Variants in DPP10 observed in about 807,000 individuals in gnomAD.
DPP10 encodes inactive dipeptidyl peptidase 10.
Under a neutral mutation model 120.9 loss-of-function variants are expected in DPP10, and 33 were observed. The observed-to-expected ratio is 0.27, with a 90% CI of 0.21 to 0.37. The LOEUF (loss-of-function observed/expected upper bound fraction) is 0.37. DPP10 is among the 10% of genes least tolerant of loss of function. DPP10 has a pLI of 1.00. For missense variants in DPP10, 816 were observed against 942.8 expected (o/e 0.87, Z 1.76); for synonymous variants, 337 against 326.1 (o/e 1.03, Z -0.36).
In DPP10 at chr2:114,632,503, G is replaced by GTTTTT. The variant is rs756591992; in HGVS notation, c.60+189687_60+189691dup. Among the ~76,000 whole-genome samples the GTTTTT allele has an allele frequency of 1.8e-3, 159 of 88,628 alleles. 19 individuals are homozygous for GTTTTT. Among genetic ancestry groups the GTTTTT allele is most frequent in the African/African-American group, 6.9e-3 (151 of 21,996 alleles). The allele number at this position is 88,628 out of a possible 152,430, so 58.1% of individuals were successfully genotyped here. A position where few individuals can be genotyped will look rare whatever the true frequency, so the allele number is the denominator to read the frequency against. On this transcript the variant is annotated intron_variant, in intron 1 of 25. Transcript: ENST00000410059. ...ATAACTGTGTAACTATGGACTTAGG[G>GTTTTT]TTTTTTTTTTTTTTTTTTTTTTTTT... is the stretch of plus-strand genomic sequence containing the variant.
chr2:115,766,286 A>ATGTGTGTGTGTGTGTGTGTG (rs34673352), intron 12 of DPP10, among the ~76,000 whole-genome samples: 26 of 70,258 alleles, frequency 3.7e-4, no homozygotes, highest in South Asian at 6.8e-4. Context: ...CATTATATAT[A>ATGTGTGTGTGTGTGTGTGTG]TGTGTGTGTG....
intron 5 of DPP10, among the ~76,000 whole-genome samples, chr2:115,628,246 G>C (rs1325778619): frequency 1.3e-5 from 2 of 152,072 alleles, no homozygotes; most frequent in Non-Finnish European, 2.9e-5. Flanking sequence ...TTGTGGTTCT[G>C]ATTTACGTTT....
chr2:115,018,539 G>T lies in DPP10; in HGVS notation c.61-290700G>T, dbSNP rs541150904. Among the ~76,000 whole-genome samples the T allele has an allele frequency of 1.6e-4, 25 of 152,210 alleles. No individual in the cohort carries two copies. The South Asian group carries it at 4.8e-3, about 29-fold the overall frequency. Reference sequence around the variant, plus strand: ...TACTATGCAGCTATAAAAAGAATGAGTGAAAAAATATGTCCTTTGCAGGGA... The same window carrying T: ...TACTATGCAGCTATAAAAAGAATGATTGAAAAAATATGTCCTTTGCAGGGA... On this transcript the variant is annotated intron_variant, in intron 1 of 25. Coordinates refer to ENST00000410059, the MANE Select transcript of DPP10 (RefSeq NM_020868.6).
chr2:115,512,057 C>T (rs1363565001), intron 4 of DPP10, among the ~76,000 whole-genome samples: 3 of 151,276 alleles, frequency 2.0e-5, no homozygotes, highest in African/African-American at 7.3e-5. Context: ...CCACTCCCTC[C>T]CCTCTTTCCT....
At chr2:115,501,000 G>A (rs1250663517) in intron 4 of DPP10, among the ~76,000 whole-genome samples, 1 of 151,924 alleles carries the variant, frequency 6.6e-6, no homozygotes, top group Non-Finnish European at 1.5e-5. Flanking sequence ...ATGATGAGAA[G>A]GTATGATGAT....
chr2:115,452,856 A>T (rs1359173356), intron 3 of DPP10, among the ~76,000 whole-genome samples: 1 of 151,900 alleles, frequency 6.6e-6, no homozygotes, highest in South Asian at 2.1e-4. Flanking sequence ...AGTAGGTCAG[A>T]TTCTCCATAT....
intron 1 of DPP10, among the ~76,000 whole-genome samples, chr2:115,005,573 G>A (rs962832348): frequency 1.3e-5 from 2 of 152,064 alleles, no homozygotes; most frequent in Non-Finnish European, 2.9e-5. Flanking sequence ...GAAGAATGCA[G>A]AAGCCTCAGG....
chr2:115,162,285 G>A, intron 1 of DPP10: 1 of 1,531,698 alleles, frequency 6.5e-7, no homozygotes, highest in East Asian at 2.5e-5. Flanking sequence ...AAAGGCTGAA[G>A]GTGCCCCGGG....
intron 1 of DPP10, among the ~76,000 whole-genome samples, chr2:115,211,388 A>AAT (rs2056502629): frequency 6.6e-6 from 1 of 152,148 alleles, no homozygotes; most frequent in Non-Finnish European, 1.5e-5. Context: ...TAGCATAGAT[A>AAT]ATACCTAGGA....
At chr2:114,873,572 C>A (rs1001717465) in intron 1 of DPP10, among the ~76,000 whole-genome samples, 1 of 152,138 alleles carries the variant, frequency 6.6e-6, no homozygotes, top group Non-Finnish European at 1.5e-5. Flanking sequence ...GAGCAGCTGT[C>A]ATGGCTGCGT....
intron 1 of DPP10, among the ~76,000 whole-genome samples, chr2:114,679,055 C>T (rs1415005610): frequency 1.3e-5 from 2 of 152,040 alleles, no homozygotes; most frequent in Non-Finnish European, 2.9e-5. Flanking sequence ...GGAGCAGTCG[C>T]CATTCCAATA....
At chr2:114,765,827 T>G (rs1680661084) in intron 1 of DPP10, among the ~76,000 whole-genome samples, 1 of 152,160 alleles carries the variant, frequency 6.6e-6, no homozygotes, top group South Asian at 2.1e-4. Flanking sequence ...TTGATTCAGA[T>G]CTACAAAGGC....
chr2:114,883,697 A>G lies in DPP10; in HGVS notation c.61-425542A>G, dbSNP rs149466640. 2.9e-3 allele frequency among the ~76,000 whole-genome samples: 443 copies of G among 152,334 alleles called. 5 individuals carry two copies. Among genetic ancestry groups the G allele is most frequent in the South Asian group, 6.6e-3 (32 of 4,816 alleles). On this transcript the variant is annotated intron_variant, in intron 1 of 25. Coordinates refer to ENST00000410059, the MANE Select transcript of DPP10 (RefSeq NM_020868.6). Reference sequence around the variant, plus strand: ...TTACTAATCCTGCTATTAAAAAGCAACTGAACACTGAATGATGCCTTAAGA... The same window carrying G: ...TTACTAATCCTGCTATTAAAAAGCAGCTGAACACTGAATGATGCCTTAAGA...
At chr2:114,536,156 A>G (rs984178796) in intron 1 of DPP10, among the ~76,000 whole-genome samples, 8 of 152,072 alleles carry the variant, frequency 5.3e-5, no homozygotes, top group African/African-American at 1.9e-4. Context: ...CTGAGCTTCC[A>G]TGCCCTCTTG....
chr2:114,468,190 T>G (rs191918450), intron 1 of DPP10, among the ~76,000 whole-genome samples: 1 of 152,216 alleles, frequency 6.6e-6, no homozygotes, highest in Non-Finnish European at 1.5e-5. Context: ...GAGGTTCAGT[T>G]ACCTTTCTAA....
chr2:115,403,412 T>G (rs1203434000), intron 3 of DPP10, among the ~76,000 whole-genome samples: 4 of 85,436 alleles, frequency 4.7e-5, no homozygotes, highest in Non-Finnish European at 1.0e-4. Context: ...TTTTTTTTTT[T>G]TTTTTGATAC....
chr2:114,504,317 T>C (rs1485582492), intron 1 of DPP10, among the ~76,000 whole-genome samples: 2 of 152,220 alleles, frequency 1.3e-5, no homozygotes, highest in African/African-American at 4.8e-5. Flanking sequence ...GAGCAATTGC[T>C]TCTTGAAGTG....
chr2:114,987,203 G>T (rs1035613199), intron 1 of DPP10, among the ~76,000 whole-genome samples: 8 of 152,056 alleles, frequency 5.3e-5, no homozygotes, highest in Admixed American at 2.6e-4. Flanking sequence ...CAGTAAAGTG[G>T]CTAGAAAAGT....
chr2:114,840,409 A>G (rs1688064645), intron 1 of DPP10, among the ~76,000 whole-genome samples: 1 of 152,110 alleles, frequency 6.6e-6, no homozygotes, highest in Admixed American at 6.6e-5. Flanking sequence ...AGTTCAAGTC[A>G]CAGAACTGGG....
Sources: gnomAD v4.1 joint callset for allele counts (sites outside exome capture counted in the v4.1 genomes callset) on GRCh38, gnomAD v4.1.1 for gene constraint, MANE v1.5 for transcripts, NCBI Gene and HGNC (gene_info 2026-07-23, HGNC 2026-07-21) for gene names.